Variants in SCAI observed in about 807,000 individuals in gnomAD.
The protein encoded by SCAI is protein SCAI.
A neutral mutation model predicts 92.2 loss-of-function variants in SCAI; 24 were observed. The observed-to-expected ratio is 0.26, with a 90% confidence interval of 0.19 to 0.37. The LOEUF (loss-of-function observed/expected upper bound fraction) is 0.37, where lower values mean the gene tolerates loss of function less well. Ranked by LOEUF, SCAI falls within the 10% of genes least tolerant of loss-of-function variation. SCAI has a pLI of 1.00. For synonymous variants in SCAI, 261 were observed against 258.6 expected (o/e 1.01, Z -0.09); for missense variants, 450 against 736.2 (o/e 0.61, Z 4.50).
intron 17 of SCAI, among the ~76,000 whole-genome samples, chr9:124,957,048 G>A (rs912078945): frequency 6.0e-5 from 9 of 149,930 alleles, no homozygotes; most frequent in Admixed American, 5.3e-4. Context: ...ATGGAGAGCA[G>A]TGGCATGATC....
Position 125,143,490 on chromosome 9 carries a change from G to A in SCAI, c.-53C>T, listed in dbSNP as rs951275696. On this transcript the variant is annotated 5_prime_UTR_variant, in exon 1 of 18. Transcript: ENST00000336505. ...CTCCGGCGGCCGCAGGGCTCGCTCG[G>A]GAAGCTGAGGCGGCGGAGGCTGGAG... is the stretch of plus-strand genomic sequence containing the variant. 14 of 1,308,170 alleles carry A rather than the reference G, an allele frequency of 1.1e-5. No homozygotes were observed. In the Admixed American group the frequency reaches 4.4e-4, roughly 41 times the overall value. The allele number at this position is 1,308,170 out of a possible 1,614,324, so 81.0% of individuals were successfully genotyped here.
intron 14 of SCAI, among the ~76,000 whole-genome samples, chr9:124,978,143 T>C (rs187301752): frequency 1.3e-5 from 2 of 152,156 alleles, no homozygotes; most frequent in East Asian, 3.9e-4. Context: ...AATCTCATAA[T>C]ATTGAAAGAG....
chr9:125,100,620 A>C (rs1834657707), intron 2 of SCAI, among the ~76,000 whole-genome samples: 1 of 152,216 alleles, frequency 6.6e-6, no homozygotes, highest in Admixed American at 6.5e-5. Flanking sequence ...ATGTTCTTGG[A>C]CTAAAATAAG....
At chr9:124,969,417 G>T (rs1003423919) in intron 17 of SCAI, among the ~76,000 whole-genome samples, 1 of 152,078 alleles carries the variant, frequency 6.6e-6, no homozygotes, top group African/African-American at 2.4e-5. Context: ...CCTCAATGAA[G>T]TGTTGTATAG....
intron 3 of SCAI, among the ~76,000 whole-genome samples, chr9:125,044,795 T>A (rs1165467266): frequency 6.6e-6 from 1 of 152,144 alleles, no homozygotes; most frequent in African/African-American, 2.4e-5. Flanking sequence ...GACATCCTCT[T>A]TGGGGCTTGT....
Position 125,126,420 on chromosome 9 carries a change from TGTGA to T in SCAI, c.98+16209_98+16212del, listed in dbSNP as rs959392979. 2.5e-4 allele frequency among the ~76,000 whole-genome samples: 37 copies of T among 149,938 alleles called. 1 individual carries two copies. The East Asian group carries it at 4.2e-3, about 17-fold the overall frequency. ...GTGTGTGTGTGTGTGTGTGTGTGTG[TGTGA>T]GAGAGAGAGAGAACACACATGCAAG... On this transcript the variant is annotated intron_variant, in intron 2 of 17. Transcript: ENST00000336505.
chr9:125,012,607 T>G (rs1177736618), intron 9 of SCAI, among the ~76,000 whole-genome samples: 1 of 152,018 alleles, frequency 6.6e-6, no homozygotes, highest in African/African-American at 2.4e-5. Flanking sequence ...ACTGTCAACA[T>G]TAGACAGATC....
chr9:125,038,627 A>T (rs1833250793), intron 3 of SCAI, among the ~76,000 whole-genome samples: 1 of 152,202 alleles, frequency 6.6e-6, no homozygotes, highest in African/African-American at 2.4e-5. Context: ...TCCATCAAAA[A>T]TATTGGTAAT....
chr9:125,070,200 T>A (rs1027160603), intron 2 of SCAI, among the ~76,000 whole-genome samples: 2 of 152,048 alleles, frequency 1.3e-5, no homozygotes, highest in African/African-American at 2.4e-5. Flanking sequence ...TGTGTATATG[T>A]GAGGGGTGAT....
intron 17 of SCAI, among the ~76,000 whole-genome samples, chr9:124,956,594 A>T (rs1329045160): frequency 6.6e-6 from 1 of 152,192 alleles, no homozygotes; most frequent in Non-Finnish European, 1.5e-5. Flanking sequence ...TGCAGAAAAA[A>T]GTTTTGCGAA....
intron 2 of SCAI, among the ~76,000 whole-genome samples, chr9:125,085,749 A>G (rs914335909): frequency 6.6e-6 from 1 of 152,220 alleles, no homozygotes; most frequent in Non-Finnish European, 1.5e-5. Flanking sequence ...CCTGGGCAAC[A>G]AAGCGAGACC....
At chr9:125,085,748 C>T (rs1834313324) in intron 2 of SCAI, among the ~76,000 whole-genome samples, 1 of 152,148 alleles carries the variant, frequency 6.6e-6, no homozygotes, top group Non-Finnish European at 1.5e-5. Flanking sequence ...ACCTGGGCAA[C>T]AAAGCGAGAC....
chr9:124,989,235 G>GA (rs761491484), intron 14 of SCAI, among the ~76,000 whole-genome samples: 5 of 152,186 alleles, frequency 3.3e-5, no homozygotes, highest in Admixed American at 1.3e-4. Context: ...TCCAGACACT[G>GA]AAAATGTGTT....
intron 15 of SCAI, among the ~76,000 whole-genome samples, chr9:124,972,872 C>T (rs1831686955): frequency 6.6e-6 from 1 of 152,194 alleles, no homozygotes; most frequent in African/African-American, 2.4e-5. Context: ...CTCCAGCCAT[C>T]TCCCTATTTT....
intron 2 of SCAI, among the ~76,000 whole-genome samples, chr9:125,138,622 G>T (rs1184727186): frequency 6.6e-6 from 1 of 152,084 alleles, no homozygotes; most frequent in Non-Finnish European, 1.5e-5. Flanking sequence ...CACTGTGTTA[G>T]CCAGGATGGT....
intron 5 of SCAI, 79 bp downstream of exon 5, chr9:125,028,313 G>C: frequency 2.6e-6 from 2 of 772,656 alleles, no homozygotes; most frequent in Non-Finnish European, 4.3e-6. Flanking sequence ...CTAGCAATGA[G>C]TATACTATGT....
chr9:125,063,018 C>CAA lies in SCAI; in HGVS notation c.99-7013_99-7012dup, dbSNP rs71374223. Among the ~76,000 whole-genome samples the CAA allele has an allele frequency of 2.4e-3, 204 of 85,572 alleles. 1 individual carries two copies. Among genetic ancestry groups the CAA allele is most frequent in the East Asian group, 6.9e-3 (18 of 2,594 alleles). 56.1% of individuals were successfully genotyped at this position (85,572 alleles called of 152,430 possible). ...CTGGTGTCAGAGTGAGACTCCGTCT[C>CAA]AAAAAAAAAAAAAAAAAAAATGTAA... On this transcript the variant is annotated intron_variant, in intron 2 of 17. Transcript: ENST00000336505.
At chr9:125,079,889 AG>A (rs1280165995) in intron 2 of SCAI, among the ~76,000 whole-genome samples, 1 of 152,218 alleles carries the variant, frequency 6.6e-6, no homozygotes. Context: ...AAGTCTGTGA[AG>A]GGAATATGTG....
At chr9:124,985,866 TAA>T (rs199869823) in intron 14 of SCAI, among the ~76,000 whole-genome samples, 18 of 58,394 alleles carry the variant, frequency 3.1e-4, no homozygotes, top group Admixed American at 7.1e-4. Context: ...TCTGTCTCAA[TAA>T]AAAAAAAAAA....
Sources: allele counts gnomAD v4.1 joint callset (sites outside exome capture counted in the v4.1 genomes callset), GRCh38; gene constraint gnomAD v4.1.1; transcripts MANE v1.5; gene names NCBI Gene and HGNC (gene_info 2026-07-23, HGNC 2026-07-21).